The following AKAP19 variants were observed in gnomAD, a reference collection of about 807,000 sequenced individuals.
AKAP19 encodes small A-kinase anchoring protein.
the AKAP19 span, among the ~76,000 whole-genome samples, chr2:190,179,186 T>A: frequency 6.6e-6 from 1 of 152,134 alleles, no homozygotes; most frequent in Admixed American, 6.5e-5. This position sits in a 1 kb window ranked among gnomAD's most constrained non-coding sequence, Gnocchi z 6.0. Context: ...GGCGGATGGA[T>A]CACCTGAGGT....
At chr2:190,048,197 A>G in the AKAP19 span, among the ~76,000 whole-genome samples, 1 of 152,224 alleles carries the variant, frequency 6.6e-6, no homozygotes, top group African/African-American at 2.4e-5. Flanking sequence ...TTTTAGATCT[A>G]AGAATTAAGA....
chr2:190,177,299 C>A, the AKAP19 span, among the ~76,000 whole-genome samples: 320 of 152,232 alleles, frequency 2.1e-3, 1 homozygote, highest in African/African-American at 7.1e-3. The surrounding 1 kb of genome is among the most constrained non-coding windows in gnomAD (Gnocchi z 4.6). Flanking sequence ...TAAATCTTTT[C>A]TGTGATTTGC....
chr2:190,096,822 C>A, the AKAP19 span, among the ~76,000 whole-genome samples: 1 of 152,000 alleles, frequency 6.6e-6, no homozygotes, highest in Middle Eastern at 3.2e-3. Flanking sequence ...CTAGTGAGGG[C>A]CTGTTCCATC....
the AKAP19 span, among the ~76,000 whole-genome samples, chr2:189,936,462 G>A: frequency 5.9e-5 from 9 of 152,088 alleles, no homozygotes; most frequent in Non-Finnish European, 1.3e-4. Flanking sequence ...TGAGAGTCTG[G>A]AATTATAGCA....
At chr2:190,156,316 A>G in the AKAP19 span, among the ~76,000 whole-genome samples, 8 of 152,180 alleles carry the variant, frequency 5.3e-5, no homozygotes, top group African/African-American at 1.9e-4. Flanking sequence ...TTGATTAAAG[A>G]AAAATGAAAT....
At chr2:190,025,530 T>A in the AKAP19 span, among the ~76,000 whole-genome samples, 1 of 152,202 alleles carries the variant, frequency 6.6e-6, no homozygotes, top group Admixed American at 6.5e-5. Flanking sequence ...TTCATCATCC[T>A]AAAAAAGCAC....
At chr2:190,064,670 T>TAAA in the AKAP19 span, among the ~76,000 whole-genome samples, 1 of 152,180 alleles carries the variant, frequency 6.6e-6, no homozygotes, top group Non-Finnish European at 1.5e-5. Context: ...GCTCTTTGTT[T>TAAA]TATGCAGAAG....
the AKAP19 span, among the ~76,000 whole-genome samples, chr2:190,020,928 T>C: frequency 6.6e-6 from 1 of 152,226 alleles, no homozygotes; most frequent in Non-Finnish European, 1.5e-5. Context: ...TCCATGAACC[T>C]TACATTAGCA....
chr2:190,148,116 C>T, the AKAP19 span, among the ~76,000 whole-genome samples: 1 of 152,148 alleles, frequency 6.6e-6, no homozygotes, highest in Non-Finnish European at 1.5e-5. Flanking sequence ...CAACTTTTCC[C>T]CATTCAGTAT....
the AKAP19 span, among the ~76,000 whole-genome samples, chr2:190,142,918 A>G: frequency 0.018 from 2,782 of 152,216 alleles, 82 homozygotes; most frequent in African/African-American, 0.063. Context: ...TGCTACCTTT[A>G]TGGGTTTCCT....
the AKAP19 span, among the ~76,000 whole-genome samples, chr2:189,926,298 G>GTTTT: frequency 6.6e-6 from 1 of 151,990 alleles, no homozygotes; most frequent in Non-Finnish European, 1.5e-5. Flanking sequence ...GTTTTGTTTT[G>GTTTT]TTTTTTGTTT....
chr2:190,128,326 G>A, the AKAP19 span, among the ~76,000 whole-genome samples: 1 of 152,158 alleles, frequency 6.6e-6, no homozygotes. Flanking sequence ...TACAGAGGGT[G>A]TTTTTACAGG....
chr2:190,183,344 A>C, the AKAP19 span, among the ~76,000 whole-genome samples: 4 of 152,326 alleles, frequency 2.6e-5, no homozygotes, highest in East Asian at 7.7e-4. Flanking sequence ...TTATCAAACT[A>C]TTCTAGTCCA....
chr2:189,922,617 A>G, the AKAP19 span, among the ~76,000 whole-genome samples: 1 of 152,248 alleles, frequency 6.6e-6, no homozygotes, highest in African/African-American at 2.4e-5. Flanking sequence ...GTGTTGTCCA[A>G]TGCACATGTT....
chr2:190,007,235 A>G, the AKAP19 span, among the ~76,000 whole-genome samples: 14 of 152,342 alleles, frequency 9.2e-5, no homozygotes, highest in African/African-American at 3.1e-4. Context: ...AGAAATAGGA[A>G]TCATTTCAAA....
chr2:190,062,422 G>A, the AKAP19 span: 1 of 1,613,394 alleles, frequency 6.2e-7, no homozygotes, highest in Non-Finnish European at 8.5e-7. Flanking sequence ...CTGAGGATTT[G>A]TATCTTAATG....
chr2:190,035,960 G>T, the AKAP19 span, among the ~76,000 whole-genome samples: 1 of 152,158 alleles, frequency 6.6e-6, no homozygotes, highest in Non-Finnish European at 1.5e-5. Flanking sequence ...TATGTGATGG[G>T]TGTGTTTATT....
the AKAP19 span, among the ~76,000 whole-genome samples, chr2:190,025,921 G>T: frequency 5.9e-5 from 9 of 151,920 alleles, no homozygotes; most frequent in Non-Finnish European, 7.4e-5. Context: ...TATTCATATC[G>T]TAGTTCTCAA....
chr2:190,150,686 C>T, the AKAP19 span, among the ~76,000 whole-genome samples: 3 of 151,950 alleles, frequency 2.0e-5, no homozygotes, highest in East Asian at 5.8e-4. Flanking sequence ...GCAAACTGCT[C>T]TGTCCGGAGC....
Sources: gnomAD v4.1 joint callset for allele counts (sites outside exome capture counted in the v4.1 genomes callset) on GRCh38, gnomAD v4.1.1 for gene constraint, Gnocchi (gnomAD v3.1) non-coding constraint, MANE v1.5 for transcripts, NCBI Gene and HGNC (gene_info 2026-07-23, HGNC 2026-07-21) for gene names.